Variants in NFATC1 observed in about 807,000 individuals in gnomAD.
NFATC1 encodes the protein nuclear factor of activated T cells 1, also known as nuclear factor of activated T-cells, cytoplasmic 1.
Under a neutral mutation model 76.0 loss-of-function variants are expected in NFATC1, and 22 were observed. The observed-to-expected ratio is 0.29, with a 90% CI of 0.21 to 0.41. NFATC1 has a LOEUF of 0.41. Among genes scored for constraint, NFATC1 ranks in the 10% least tolerant of loss-of-function variants. NFATC1 has a pLI of 1.00. For synonymous variants in NFATC1, 704 were observed against 613.1 expected, an observed-to-expected ratio of 1.15 and a Z score of -2.19; for missense variants, 1,357 against 1,337.7, an observed-to-expected ratio of 1.01 and a Z score of -0.23.
At chr18:79,500,814 A>G (rs930439196) in intron 9 of NFATC1, among the ~76,000 whole-genome samples, 6 of 152,214 alleles carry the variant, frequency 3.9e-5, no homozygotes, top group Non-Finnish European at 8.8e-5. Flanking sequence ...GAAAAGTATA[A>G]TAGACCTATA....
intron 9 of NFATC1, among the ~76,000 whole-genome samples, chr18:79,504,234 C>T (rs184839004): frequency 6.6e-6 from 1 of 150,416 alleles, no homozygotes; most frequent in East Asian, 1.9e-4. Context: ...CGGCTTTCGA[C>T]GGGTGTTCCT....
Position 79,527,563 on chromosome 18 carries a change from A to G in NFATC1, c.2818A>G (p.Ser940Gly). 1 of 1,614,098 alleles carries G rather than the reference A, an allele frequency of 6.2e-7. No homozygotes were observed. The highest frequency in any genetic ancestry group is 8.5e-7 in the Non-Finnish European group (1 of 1,179,998). Residue 940 changes from serine (S) to glycine (G), a missense_variant, in exon 10 of 10, where the codon AGC (serine) becomes GGC (glycine). By Grantham distance (56) the Ser-to-Gly change is moderately conservative. Coordinates refer to ENST00000427363, the MANE Select transcript of NFATC1 (RefSeq NM_001278669.2). ...EIIRNDLSST[S>G]THS ...AATACGAAATGACCTCTCCAGCACG[A>G]GCACCCACTCCTAGTTGCCACATTG...
chr18:79,516,501 T>G lies in NFATC1; in HGVS notation c.2783-11027T>G, dbSNP rs190258946. On this transcript the variant is annotated intron_variant, in intron 9 of 9. Coordinates refer to ENST00000427363, the MANE Select transcript of NFATC1 (RefSeq NM_001278669.2). Reference sequence around the variant, plus strand: ...TTTCAGAATGTGGTGGCTCCTCGACTGTGGAGTGGCAGAACCGCCCTTGTT... The same window carrying G: ...TTTCAGAATGTGGTGGCTCCTCGACGGTGGAGTGGCAGAACCGCCCTTGTT... 2.2e-3 allele frequency among the ~76,000 whole-genome samples: 336 copies of G among 152,290 alleles called. 3 individuals carry two copies. Among genetic ancestry groups the G allele is most frequent in the African/African-American group, 7.8e-3 (323 of 41,564 alleles).
At chr18:79,508,864 C>T (rs1225643614) in intron 9 of NFATC1, among the ~76,000 whole-genome samples, 3 of 151,984 alleles carry the variant, frequency 2.0e-5, no homozygotes, top group Non-Finnish European at 4.4e-5. Context: ...CTCCCTCTGT[C>T]TCTGCCTCTC....
At chr18:79,522,158 TG>T (rs1184298357) in intron 9 of NFATC1, among the ~76,000 whole-genome samples, 3 of 27,774 alleles carry the variant, frequency 1.1e-4, no homozygotes, top group African/African-American at 4.6e-4. Context: ...TGTCTGTGTG[TG>T]TGTGGGGGGG....
Position 79,410,209 on chromosome 18 carries a change from C to T in NFATC1, c.128-194C>T. On this transcript the variant is annotated intron_variant, in intron 1 of 9. Coordinates refer to ENST00000427363, the MANE Select transcript of NFATC1 (RefSeq NM_001278669.2). The surrounding 1 kb of genome is among the most constrained non-coding windows in gnomAD (Gnocchi z 6.7). ...GAGGGGCTCACGGGAGCCTTGTTGG[C>T]CAGGTGGGACTGGGGCTGTCACTCC... The T allele has an allele frequency of 1.1e-6, 1 of 872,564 alleles. No individual in the cohort carries two copies. Among genetic ancestry groups the T allele is most frequent in the Non-Finnish European group, 1.9e-6 (1 of 539,916 alleles). 54.1% of individuals were successfully genotyped at this position (872,564 alleles called of 1,614,324 possible). A position where few individuals can be genotyped will look rare whatever the true frequency, so the allele number is the denominator to read the frequency against.
chr18:79,456,884 G>A (rs879672137), intron 6 of NFATC1, among the ~76,000 whole-genome samples: 9 of 152,192 alleles, frequency 5.9e-5, no homozygotes, highest in East Asian at 1.9e-4. Flanking sequence ...TCCAGCGTCC[G>A]CGGCACGGGC....
At chr18:79,435,352 GT>G (rs768119556) in intron 3 of NFATC1, among the ~76,000 whole-genome samples, 13 of 111,402 alleles carry the variant, frequency 1.2e-4, no homozygotes, top group South Asian at 2.9e-4. Context: ...TGGTTTGTTT[GT>G]TTTTTTTTTT....
chr18:79,397,102 G>T (rs2085032970), intron 1 of NFATC1, among the ~76,000 whole-genome samples: 1 of 152,170 alleles, frequency 6.6e-6, no homozygotes, highest in Admixed American at 6.5e-5. Context: ...AGACCCCCCT[G>T]CGGCGCATCT....
chr18:79,459,944 C>T (rs2087971460), intron 6 of NFATC1, among the ~76,000 whole-genome samples: 1 of 152,174 alleles, frequency 6.6e-6, no homozygotes, highest in South Asian at 2.1e-4. Context: ...CCTGAGCTTT[C>T]CAGGGCCTGG....
intron 2 of NFATC1, among the ~76,000 whole-genome samples, chr18:79,424,832 CATCTCT>C (rs2086240641): frequency 2.9e-5 from 3 of 103,674 alleles, no homozygotes; most frequent in Non-Finnish European, 6.6e-5. Flanking sequence ...TGTCTCTCTC[CATCTCT>C]GTCTCTGTTT....
At chr18:79,433,016 T>C (rs1279146867) in intron 2 of NFATC1, among the ~76,000 whole-genome samples, 2 of 152,168 alleles carry the variant, frequency 1.3e-5, no homozygotes, top group African/African-American at 4.8e-5. Flanking sequence ...CCTGCTGCGT[T>C]TGCTCCCACC....
intron 8 of NFATC1, among the ~76,000 whole-genome samples, chr18:79,480,208 C>T (rs1316458871): frequency 2.0e-5 from 3 of 152,210 alleles, no homozygotes; most frequent in South Asian, 4.1e-4. Flanking sequence ...CTGCAAATAG[C>T]TCTGGGCGGA....
intron 9 of NFATC1, among the ~76,000 whole-genome samples, chr18:79,503,423 G>A (rs1213006926): frequency 6.6e-6 from 1 of 152,198 alleles, no homozygotes; most frequent in African/African-American, 2.4e-5. Context: ...TGCGTGGGGT[G>A]ACCAGGTGCA....
At chr18:79,427,466 TGGGGGCTGTACCACTGGCCTCTGTGCGG>T (rs1568948132) in intron 2 of NFATC1, among the ~76,000 whole-genome samples, 9 of 12,692 alleles carry the variant, frequency 7.1e-4, no homozygotes, top group African/African-American at 2.6e-3. Flanking sequence ...GTGCGGTGGG[TGGGGGCTGTACCACTGGCCTCTGTGCGG>T]TGGGTCGGGG....
intron 4 of NFATC1, among the ~76,000 whole-genome samples, 154 bp downstream of exon 4, chr18:79,449,138 T>TG (rs2087349789): frequency 6.6e-6 from 1 of 152,236 alleles, no homozygotes; most frequent in African/African-American, 2.4e-5. Context: ...ACTTCACTCT[T>TG]GCTTTTGACA....
At chr18:79,459,538 GCA>G (rs1238658486) in intron 6 of NFATC1, among the ~76,000 whole-genome samples, 1 of 152,114 alleles carries the variant, frequency 6.6e-6, no homozygotes, top group Non-Finnish European at 1.5e-5. Flanking sequence ...CTCCTGCTCA[GCA>G]CAGTCACTGA....
At chr18:79,411,621 C>T in intron 2 of NFATC1, 120 bp downstream of exon 2, 1 of 822,940 alleles carries the variant, frequency 1.2e-6, no homozygotes, top group Non-Finnish European at 1.6e-6. Context: ...GAGTCAGGAC[C>T]TGGGTGGGCA....
chr18:79,473,146 C>T (rs1052740330), intron 8 of NFATC1, among the ~76,000 whole-genome samples: 3 of 150,236 alleles, frequency 2.0e-5, no homozygotes, highest in South Asian at 2.1e-4. Context: ...GCGTGGCCTG[C>T]GCCACGCTCC....
Sources: allele counts gnomAD v4.1 joint callset (sites outside exome capture counted in the v4.1 genomes callset), GRCh38; gene constraint gnomAD v4.1.1; non-coding constraint Gnocchi (gnomAD v3.1); transcripts MANE v1.5; gene names NCBI Gene and HGNC (gene_info 2026-07-23, HGNC 2026-07-21).